Variants in ANKRD30A observed in about 807,000 individuals in gnomAD.
ANKRD30A encodes ankyrin repeat domain 30A, also known as ankyrin repeat domain-containing protein 30A.
In ANKRD30A, 170 loss-of-function variants were observed where a neutral mutation model predicts 166.3. The observed-to-expected ratio is 1.02, with a 90% CI of 0.90 to 1.16. The LOEUF (loss-of-function observed/expected upper bound fraction) is 1.16, where lower values mean the gene tolerates loss of function less well. ANKRD30A is among the 50% of genes most tolerant of loss of function. The probability of loss-of-function intolerance (pLI) is 0.00; values close to 1 mark genes in which losing one functional copy is unlikely to be tolerated. For synonymous variants in ANKRD30A, 564 were observed against 508.9 expected, an observed-to-expected ratio of 1.11 and a Z score of -1.46; for missense variants, 1,630 against 1,518.0, an observed-to-expected ratio of 1.07 and a Z score of -1.23.
At chr10:37,159,736 C>T (rs1400312476) in intron 15 of ANKRD30A, among the ~76,000 whole-genome samples, 1 of 151,848 alleles carries the variant, frequency 6.6e-6, no homozygotes, top group Non-Finnish European at 1.5e-5. Flanking sequence ...TTTGAGATCA[C>T]CCAGGCTGGA....
intron 6 of ANKRD30A, among the ~76,000 whole-genome samples, chr10:37,138,897 A>G (rs1836907077): frequency 6.6e-6 from 1 of 152,184 alleles, no homozygotes. Flanking sequence ...ATACTCCTTG[A>G]GAAGAGCAAC....
At chr10:37,148,334 A>G (rs1837663418) in intron 9 of ANKRD30A, among the ~76,000 whole-genome samples, 1 of 152,122 alleles carries the variant, frequency 6.6e-6, no homozygotes, top group Non-Finnish European at 1.5e-5. Flanking sequence ...CCAGAGAAGA[A>G]GAATAAAAAG....
At chr10:37,213,342 C>T (rs1184525220) in intron 31 of ANKRD30A, among the ~76,000 whole-genome samples, 1 of 151,724 alleles carries the variant, frequency 6.6e-6, no homozygotes, top group African/African-American at 2.4e-5. Flanking sequence ...TAAAGAGGCT[C>T]TCTGGGGTTA....
chr10:37,225,507 A>G lies in ANKRD30A; in HGVS notation c.4185+5610A>G, dbSNP rs1843105230. ...CAGTCTACTTGAAATGGATATTTAG[A>G]TGAATAAGCTAACACATGAAGTACT... On this transcript the variant is annotated intron_variant, in intron 34 of 35. Coordinates refer to ENST00000361713, the MANE Select transcript of ANKRD30A (RefSeq NM_052997.3). Among the ~76,000 whole-genome samples the G allele has an allele frequency of 3.3e-5, 5 of 151,980 alleles. No homozygotes were observed. The South Asian group carries it at 8.3e-4, about 25-fold the overall frequency.
intron 7 of ANKRD30A, among the ~76,000 whole-genome samples, chr10:37,142,545 G>C (rs1837218171): frequency 6.7e-6 from 1 of 148,878 alleles, no homozygotes; most frequent in Non-Finnish European, 1.5e-5. Context: ...GTTGTTTGGT[G>C]GTACAGGGAT....
At position 37,196,919 on chromosome 10, in the gene ANKRD30A, G is replaced by A. The variant is rs143984304; in HGVS notation, c.2615-362G>A. Among the ~76,000 whole-genome samples, 485 of 152,264 alleles carry A rather than the reference G, an allele frequency of 3.2e-3. 6 individuals are homozygous for A. The highest frequency in any genetic ancestry group is 0.011 in the African/African-American group (456 of 41,544). Reference sequence around the variant, plus strand: ...ATGTACCTTTCCGAAGATAGGCTATGTTAAAGAACAGGATGAATGGAATAA... The same window carrying A: ...ATGTACCTTTCCGAAGATAGGCTATATTAAAGAACAGGATGAATGGAATAA... On this transcript the variant is annotated intron_variant, in intron 27 of 35. Coordinates refer to ENST00000361713, the MANE Select transcript of ANKRD30A (RefSeq NM_052997.3).
chr10:37,166,875 A>G (rs1016376070), intron 19 of ANKRD30A, among the ~76,000 whole-genome samples, 180 bp downstream of exon 19: 3 of 152,150 alleles, frequency 2.0e-5, no homozygotes, highest in African/African-American at 7.2e-5. Flanking sequence ...CTATATTGTG[A>G]GTGCTGAAGC....
chr10:37,218,683 G>T (rs1842722741), intron 33 of ANKRD30A, among the ~76,000 whole-genome samples: 1 of 150,494 alleles, frequency 6.6e-6, no homozygotes, highest in Non-Finnish European at 1.5e-5. Flanking sequence ...TTTATTTTAT[G>T]CTTTTGAGCT....
At chr10:37,198,934 C>A (rs890515239) in intron 29 of ANKRD30A, among the ~76,000 whole-genome samples, 2 of 152,056 alleles carry the variant, frequency 1.3e-5, no homozygotes, top group African/African-American at 2.4e-5. Context: ...AATTCATTTT[C>A]TGTCTCATGT....
At chr10:37,208,763 A>G (rs1842122373) in intron 31 of ANKRD30A, among the ~76,000 whole-genome samples, 1 of 152,130 alleles carries the variant, frequency 6.6e-6, no homozygotes, top group Non-Finnish European at 1.5e-5. Flanking sequence ...CACACCCTCC[A>G]AGGTGATAAC....
At chr10:37,160,145 AC>A (rs1301131726) in intron 15 of ANKRD30A, among the ~76,000 whole-genome samples, 1 of 152,212 alleles carries the variant, frequency 6.6e-6, no homozygotes, top group East Asian at 1.9e-4. Flanking sequence ...TAATTCTAAA[AC>A]ACATTTAATT....
At chr10:37,128,708 C>T (rs1406298363) in intron 1 of ANKRD30A, among the ~76,000 whole-genome samples, 1 of 151,892 alleles carries the variant, frequency 6.6e-6, no homozygotes, top group African/African-American at 2.4e-5. Flanking sequence ...ACTCTCAGGA[C>T]CCTTTCATTC....
chr10:37,144,968 A>T, intron 7 of ANKRD30A, 27 bp from the exon 8 acceptor site: 1 of 1,480,696 alleles, frequency 6.8e-7, no homozygotes, highest in Non-Finnish European at 9.3e-7. Context: ...TGTTATCATG[A>T]ATATATCTGT....
At chr10:37,222,836 T>G (rs1232345274) in intron 34 of ANKRD30A, among the ~76,000 whole-genome samples, 2 of 151,484 alleles carry the variant, frequency 1.3e-5, no homozygotes, top group African/African-American at 4.8e-5. Flanking sequence ...AATTGTACAT[T>G]GCTTTATTTT....
chr10:37,259,296 T>C, the ANKRD30A span, among the ~76,000 whole-genome samples: 1 of 152,120 alleles, frequency 6.6e-6, no homozygotes, highest in African/African-American at 2.4e-5. Context: ...ATCAAAGGCA[T>C]GCAACTTAAA....
At chr10:37,131,898 C>A (rs1412036330) in intron 3 of ANKRD30A, among the ~76,000 whole-genome samples, 2 of 152,040 alleles carry the variant, frequency 1.3e-5, no homozygotes, top group African/African-American at 4.8e-5. Context: ...CTACTTTAGT[C>A]AAAAACAAAG....
chr10:37,212,123 T>A (rs1306546064), intron 31 of ANKRD30A, among the ~76,000 whole-genome samples: 1 of 152,024 alleles, frequency 6.6e-6, no homozygotes, highest in Non-Finnish European at 1.5e-5. Flanking sequence ...GAAAACCCCA[T>A]CGTCTCAGCC....
chr10:37,245,752 T>A, the ANKRD30A span, among the ~76,000 whole-genome samples: 6 of 152,148 alleles, frequency 3.9e-5, no homozygotes, highest in Non-Finnish European at 7.3e-5. Context: ...TCATTTGGAA[T>A]CTTGACTGGG....
chr10:37,138,732 A>C (rs560475012), intron 6 of ANKRD30A, among the ~76,000 whole-genome samples: 1 of 152,350 alleles, frequency 6.6e-6, no homozygotes, highest in Admixed American at 6.5e-5. Context: ...CTATGTGAAA[A>C]GACCAAATCT....
Sources: allele counts gnomAD v4.1 joint callset (sites outside exome capture counted in the v4.1 genomes callset), GRCh38; gene constraint gnomAD v4.1.1; transcripts MANE v1.5; gene names NCBI Gene and HGNC (gene_info 2026-07-23, HGNC 2026-07-21).